ARHGEF12: variants seen among roughly 807,000 people sequenced by gnomAD.
ARHGEF12 encodes the protein Rho guanine nucleotide exchange factor 12.
In ARHGEF12, 66 loss-of-function variants were observed where a neutral mutation model predicts 211.2. That is an observed-to-expected ratio of 0.31 (90% CI 0.26 to 0.38). The LOEUF is 0.38. ARHGEF12 is among the 10% of genes least tolerant of loss of function. The probability of loss-of-function intolerance (pLI) is 1.00; values close to 1 mark genes in which losing one functional copy is unlikely to be tolerated. For synonymous variants in ARHGEF12, 592 were observed against 638.4 expected (o/e 0.93, Z 1.09); for missense variants, 1,429 against 1,869.5 (o/e 0.76, Z 4.34).
intron 1 of ARHGEF12, among the ~76,000 whole-genome samples, chr11:120,365,181 T>C (rs1249277003): frequency 3.3e-5 from 5 of 152,170 alleles, no homozygotes. Context: ...CTTTTAACTA[T>C]GTGTATATAT....
Position 120,347,169 on chromosome 11 carries a change from TTCCTTCCTTC to T in ARHGEF12, c.32+9895_32+9904del, listed in dbSNP as rs1565417101. On this transcript the variant is annotated intron_variant, in intron 1 of 40. Coordinates refer to ENST00000397843, the MANE Select transcript of ARHGEF12 (RefSeq NM_015313.3). ...CTTCCTTCCTTCCTTCCTTCCTTCC[TTCCTTCCTTC>T]CTTCCTTTCTTTCTTTCTTTCTTTC... 1.3e-4 allele frequency among the ~76,000 whole-genome samples: 10 copies of T among 77,806 alleles called. 1 individual carries two copies. Among genetic ancestry groups the T allele is most frequent in the East Asian group, 3.8e-4 (1 of 2,652 alleles). 51.0% of individuals were successfully genotyped at this position (77,806 alleles called of 152,430 possible).
chr11:120,441,666 G>A (rs1945871183), intron 13 of ARHGEF12, 41 bp from the exon 14 acceptor site: 2 of 1,491,730 alleles, frequency 1.3e-6, no homozygotes, highest in South Asian at 2.3e-5. Context: ...TTTAGTATTT[G>A]TATGTTGGAG....
rs779460084 is a variant in ARHGEF12, at chr11:120,481,256, A to G, written c.4238-4A>G. 1.4e-5 allele frequency: 22 copies of G among 1,613,384 alleles called. No homozygotes were observed. The highest frequency in any genetic ancestry group is 1.0e-4 in the Admixed American group (6 of 60,014). ...TTATCAAACTATTCTGTCTCTATCCATAGGAAACTATTTGATCCTTGATGG... is the reference window on the plus strand; with the variant it reads ...TTATCAAACTATTCTGTCTCTATCCGTAGGAAACTATTTGATCCTTGATGG... On this transcript the variant is annotated splice_polypyrimidine_tract_variant and splice_region_variant and intron_variant, in intron 38 of 40. Transcript: ENST00000397843.
intron 1 of ARHGEF12, among the ~76,000 whole-genome samples, chr11:120,399,612 G>C (rs1944501933): frequency 6.6e-6 from 1 of 152,082 alleles, no homozygotes; most frequent in Non-Finnish European, 1.5e-5. Context: ...GGTTAGTATA[G>C]TTTTGGTTGT....
intron 29 of ARHGEF12, 21 bp from the exon 30 acceptor site, chr11:120,469,267 G>T (rs779505155): frequency 2.3e-5 from 36 of 1,570,270 alleles, no homozygotes; most frequent in Non-Finnish European, 3.1e-5. Flanking sequence ...TTTACATTTT[G>T]GATTTCTTTC....
chr11:120,368,761 G>A (rs961671370), intron 1 of ARHGEF12, among the ~76,000 whole-genome samples: 2 of 151,916 alleles, frequency 1.3e-5, no homozygotes, highest in East Asian at 3.9e-4. Flanking sequence ...TAGGTTCGGG[G>A]TACATGTGCA....
At chr11:120,472,950 TG>T in intron 30 of ARHGEF12, 99 bp from the exon 31 acceptor site, 1 of 1,147,766 alleles carries the variant, frequency 8.7e-7, no homozygotes. Context: ...CCACCACGCC[TG>T]GCCAAAATGG....
intron 20 of ARHGEF12, chr11:120,448,767 TTTA>T (rs1946120818): frequency 3.7e-6 from 1 of 273,810 alleles, no homozygotes; most frequent in Non-Finnish European, 6.8e-6. Flanking sequence ...AAGGACCTTC[TTTA>T]TTATTGTATT....
At chr11:120,381,500 A>G (rs1943876992) in intron 1 of ARHGEF12, among the ~76,000 whole-genome samples, 2 of 152,226 alleles carry the variant, frequency 1.3e-5, no homozygotes, top group Admixed American at 6.5e-5. Context: ...TACAATTTCA[A>G]GTCAAAACAC....
intron 4 of ARHGEF12, among the ~76,000 whole-genome samples, chr11:120,418,871 A>G (rs1218807519): frequency 6.6e-6 from 1 of 151,966 alleles, no homozygotes; most frequent in Non-Finnish European, 1.5e-5. Context: ...TTTGTCTTCC[A>G]TTATTGGCTG....
intron 1 of ARHGEF12, among the ~76,000 whole-genome samples, chr11:120,355,608 G>A (rs1173290185): frequency 1.3e-5 from 2 of 152,168 alleles, no homozygotes; most frequent in African/African-American, 4.8e-5. Context: ...TTAGGAGGCT[G>A]AGGTGGGAGG....
At chr11:120,395,696 C>G (rs1944361777) in intron 1 of ARHGEF12, among the ~76,000 whole-genome samples, 1 of 152,172 alleles carries the variant, frequency 6.6e-6, no homozygotes, top group South Asian at 2.1e-4. Context: ...AGGGGAACTC[C>G]CCTTTATATA....
At chr11:120,405,252 A>G (rs1944664729) in intron 1 of ARHGEF12, among the ~76,000 whole-genome samples, 1 of 152,216 alleles carries the variant, frequency 6.6e-6, no homozygotes. Context: ...CTATTACTAA[A>G]TAATCTTTAC....
intron 4 of ARHGEF12, among the ~76,000 whole-genome samples, chr11:120,413,780 A>G (rs1944951268): frequency 2.0e-5 from 3 of 152,312 alleles, no homozygotes; most frequent in South Asian, 4.1e-4. Context: ...CCTTCCCTGA[A>G]GCTGATTCTT....
At chr11:120,416,405 G>T (rs574055564) in intron 4 of ARHGEF12, among the ~76,000 whole-genome samples, 1 of 152,176 alleles carries the variant, frequency 6.6e-6, no homozygotes, top group South Asian at 2.1e-4. Flanking sequence ...GTGAGTAAGG[G>T]TGATACAGTA....
intron 38 of ARHGEF12, among the ~76,000 whole-genome samples, chr11:120,480,942 C>G (rs1947215252): frequency 6.6e-6 from 1 of 152,230 alleles, no homozygotes; most frequent in Non-Finnish European, 1.5e-5. Flanking sequence ...TGATCGAACA[C>G]TGGATGAGGG....
chr11:120,362,718 C>CT (rs566760739), intron 1 of ARHGEF12, among the ~76,000 whole-genome samples: 143 of 152,260 alleles, frequency 9.4e-4, no homozygotes, highest in African/African-American at 3.4e-3. Context: ...TTGCTCCACT[C>CT]TAAGGAAACA....
intron 4 of ARHGEF12, among the ~76,000 whole-genome samples, chr11:120,412,725 A>G (rs563517405): frequency 6.6e-5 from 10 of 152,186 alleles, no homozygotes; most frequent in African/African-American, 2.4e-4. Flanking sequence ...ACTGGAGTTC[A>G]TCATTGTTCT....
At chr11:120,417,438 A>G (rs934896922) in intron 4 of ARHGEF12, among the ~76,000 whole-genome samples, 14 of 152,170 alleles carry the variant, frequency 9.2e-5, no homozygotes, top group Non-Finnish European at 8.8e-5. Context: ...GGAGGTTGTG[A>G]AATATTTGTT....
Sources: allele counts gnomAD v4.1 joint callset (sites outside exome capture counted in the v4.1 genomes callset), GRCh38; gene constraint gnomAD v4.1.1; transcripts MANE v1.5; gene names NCBI Gene and HGNC (gene_info 2026-07-23, HGNC 2026-07-21).